The following SHROOM3 variants were observed in gnomAD, a reference collection of about 807,000 sequenced individuals.
SHROOM3 encodes shroom family member 3.
A neutral mutation model predicts 138.6 loss-of-function variants in SHROOM3; 47 were observed. That is an observed-to-expected ratio of 0.34 (90% CI 0.27 to 0.43). The LOEUF (loss-of-function observed/expected upper bound fraction) is 0.43, where lower values mean the gene tolerates loss of function less well. Among genes scored for constraint, SHROOM3 ranks in the 20% least tolerant of loss-of-function variants. SHROOM3 has a pLI of 1.00. For synonymous variants in SHROOM3, 1,062 were observed against 1,063.3 expected (o/e 1.00, Z 0.02); for missense variants, 2,491 against 2,596.5 (o/e 0.96, Z 0.88).
rs1434396827 is a variant in SHROOM3, at chr4:76,435,684, A to G, written c.-369A>G. ...AGATGCTTTTAATTTTCTCTGTAAA[A>G]TAGGCAGAAATGGTTTTAGTGTGTG... On this transcript the variant is annotated 5_prime_UTR_variant, in exon 1 of 11. Coordinates refer to ENST00000296043, the MANE Select transcript of SHROOM3 (RefSeq NM_020859.4). The G allele has an allele frequency of 6.0e-6, 1 of 167,438 alleles. No homozygotes were observed. Among genetic ancestry groups the G allele is most frequent in the Non-Finnish European group, 1.3e-5 (1 of 78,390 alleles). The allele number at this position is 167,438 out of a possible 1,614,324, so 10.4% of individuals were successfully genotyped here.
intron 2 of SHROOM3, among the ~76,000 whole-genome samples, chr4:76,667,966 C>CAAAAACAAAAA (rs1718755847): frequency 1.6e-5 from 1 of 62,554 alleles, no homozygotes; most frequent in Non-Finnish European, 2.9e-5. Flanking sequence ...GACTCCCTCT[C>CAAAAACAAAAA]AAAAAAAAAA....
At chr4:76,527,990 A>G (rs17002048) in intron 1 of SHROOM3, among the ~76,000 whole-genome samples, 6,410 of 152,298 alleles carry the variant, frequency 0.042, 480 homozygotes, top group African/African-American at 0.14. Flanking sequence ...AACAACTGCA[A>G]TGCCTACTAC....
chr4:76,484,437 G>A (rs1171583283), intron 1 of SHROOM3, among the ~76,000 whole-genome samples: 2 of 152,012 alleles, frequency 1.3e-5, no homozygotes, highest in Admixed American at 6.6e-5. Flanking sequence ...CAGGCATGGT[G>A]TCTCACACCT....
chr4:76,676,883 C>T (rs1190423178), intron 2 of SHROOM3, among the ~76,000 whole-genome samples: 1 of 139,998 alleles, frequency 7.1e-6, no homozygotes, highest in Non-Finnish European at 1.5e-5. Flanking sequence ...GCGGAGCTTG[C>T]AGTGAGCAGA....
At chr4:76,508,780 T>C (rs780801622) in intron 1 of SHROOM3, among the ~76,000 whole-genome samples, 17 of 152,204 alleles carry the variant, frequency 1.1e-4, no homozygotes, top group African/African-American at 3.9e-4. Context: ...TTTGCTGCCA[T>C]AACAAAATAC....
At chr4:76,607,459 G>C (rs1188496750) in intron 2 of SHROOM3, among the ~76,000 whole-genome samples, 1 of 152,164 alleles carries the variant, frequency 6.6e-6, no homozygotes, top group Admixed American at 6.5e-5. Flanking sequence ...GGAAAGTCTT[G>C]AATTCCTTTT....
At chr4:76,453,026 T>C (rs1201915590) in intron 1 of SHROOM3, among the ~76,000 whole-genome samples, 1 of 152,148 alleles carries the variant, frequency 6.6e-6, no homozygotes, top group Non-Finnish European at 1.5e-5. Flanking sequence ...CCTAGATATA[T>C]GTTTTTAATA....
At chr4:76,767,951 G>A (rs1173716633) in intron 9 of SHROOM3, among the ~76,000 whole-genome samples, 3 of 152,154 alleles carry the variant, frequency 2.0e-5, no homozygotes, top group Non-Finnish European at 2.9e-5. Context: ...TGAAATGGAC[G>A]CCTGAAATTT....
At chr4:76,693,377 T>TTTTTTGTTTG (rs1553937633) in intron 2 of SHROOM3, among the ~76,000 whole-genome samples, 3 of 125,990 alleles carry the variant, frequency 2.4e-5, no homozygotes, top group African/African-American at 1.0e-4. Context: ...TTTGTTTTTT[T>TTTTTTGTTTG]TTTTTTTTTT....
intron 2 of SHROOM3, among the ~76,000 whole-genome samples, chr4:76,581,452 GT>G (rs1417542764): frequency 6.6e-6 from 1 of 152,138 alleles, no homozygotes; most frequent in Non-Finnish European, 1.5e-5. Context: ...ATGTCCTACA[GT>G]TATTATACTG....
At chr4:76,651,958 A>G (rs1193873042) in intron 2 of SHROOM3, among the ~76,000 whole-genome samples, 1 of 152,190 alleles carries the variant, frequency 6.6e-6, no homozygotes, top group Admixed American at 6.5e-5. Flanking sequence ...TTATTTTACA[A>G]TTGAAAATCT....
intron 2 of SHROOM3, 116 bp downstream of exon 2, chr4:76,555,879 G>A (rs981229539): frequency 1.1e-5 from 12 of 1,111,014 alleles, no homozygotes; most frequent in South Asian, 9.3e-5. Context: ...AAACCTCCAT[G>A]TATGGATCCT....
At chr4:76,548,346 C>T (rs968872979) in intron 1 of SHROOM3, among the ~76,000 whole-genome samples, 1 of 152,150 alleles carries the variant, frequency 6.6e-6, no homozygotes. Context: ...AGGAGGGTCA[C>T]AGGGAGGGCA....
chr4:76,609,138 G>A lies in SHROOM3; in HGVS notation c.323+53375G>A, dbSNP rs970070659. Among the ~76,000 whole-genome samples the A allele has an allele frequency of 4.6e-5, 7 of 152,132 alleles. No individual in the cohort carries two copies. The East Asian group carries it at 1.3e-3, about 29-fold the overall frequency. ...CTCTAACCATTCAACATTTAGGAAA[G>A]CTTGTATATGTTTATAATTTCCTGA... is the stretch of plus-strand genomic sequence containing the variant. On this transcript the variant is annotated intron_variant, in intron 2 of 10. Coordinates refer to ENST00000296043, the MANE Select transcript of SHROOM3 (RefSeq NM_020859.4).
At chr4:76,770,578 C>T in intron 9 of SHROOM3, 48 bp from the exon 10 acceptor site, 1 of 1,608,936 alleles carries the variant, frequency 6.2e-7, no homozygotes, top group Non-Finnish European at 8.5e-7. Flanking sequence ...TCTGCTTCCA[C>T]TGGCACCTCC....
intron 2 of SHROOM3, chr4:76,688,722 G>C (rs1241794919): frequency 6.1e-6 from 6 of 985,314 alleles, no homozygotes; most frequent in Non-Finnish European, 6.0e-6. Flanking sequence ...AATGCAAATG[G>C]ATATATTTTC....
At chr4:76,619,578 G>A (rs1224548786) in intron 2 of SHROOM3, among the ~76,000 whole-genome samples, 2 of 152,158 alleles carry the variant, frequency 1.3e-5, no homozygotes, top group Non-Finnish European at 2.9e-5. Context: ...AAAGAGCTGA[G>A]GGGTGTATCC....
chr4:76,687,765 C>G lies in SHROOM3; in HGVS notation c.324-22391C>G, dbSNP rs1279989221. ...GAATTTCACTGGTGTAACATCCATG[C>G]TGTGTGGGAGGTGAGATTTGGACCC... On this transcript the variant is annotated intron_variant, in intron 2 of 10. Transcript: ENST00000296043. 2.0e-5 allele frequency among the ~76,000 whole-genome samples: 3 copies of G among 152,232 alleles called. No individual in the cohort carries two copies. The East Asian group carries it at 5.8e-4, about 29-fold the overall frequency.
intron 2 of SHROOM3, among the ~76,000 whole-genome samples, chr4:76,659,326 T>C (rs1435189565): frequency 6.6e-6 from 1 of 152,218 alleles, no homozygotes; most frequent in Admixed American, 6.5e-5. Context: ...CCCAGGCACC[T>C]TGCCAAGAGG....
Sources: allele counts gnomAD v4.1 joint callset (sites outside exome capture counted in the v4.1 genomes callset), GRCh38; gene constraint gnomAD v4.1.1; transcripts MANE v1.5; gene names NCBI Gene and HGNC (gene_info 2026-07-23, HGNC 2026-07-21).